ANOS1: variants seen among roughly 807,000 people sequenced by gnomAD.
ANOS1 encodes anosmin-1.
In ANOS1, 6 loss-of-function variants were observed where a neutral mutation model predicts 59.0. The ratio of observed to expected loss-of-function variants is 0.10; its 90% CI spans 0.06 to 0.20. The LOEUF is 0.20. Among genes scored for constraint, ANOS1 ranks in the 10% least tolerant of loss-of-function variants. ANOS1 has a pLI of 1.00. For synonymous variants in ANOS1, 217 were observed against 223.4 expected (o/e 0.97, Z 0.25); for missense variants, 433 against 542.3 (o/e 0.80, Z 2.00).
chrX:8,593,187 A>G (rs1055477728), intron 4 of ANOS1, among the ~76,000 whole-genome samples: 1 of 112,233 alleles, frequency 8.9e-6, no homozygotes, highest in Non-Finnish European at 1.9e-5. Context: ...GCCCACTTAA[A>G]GAGTATTGTG....
At chrX:8,695,714 A>C (rs1416298016) in intron 2 of ANOS1, among the ~76,000 whole-genome samples, 2 of 110,309 alleles carry the variant, frequency 1.8e-5, no homozygotes, top group Non-Finnish European at 3.8e-5. Flanking sequence ...AAAAAAAAAA[A>C]AAAAACCTAG....
chrX:8,699,632 G>A (rs1932733035), intron 2 of ANOS1, 66 bp downstream of exon 2: 2 of 869,078 alleles, frequency 2.3e-6, no homozygotes, highest in South Asian at 4.5e-5. Flanking sequence ...GCAACTTACT[G>A]TGAATCTATA....
At position 8,594,763 on chromosome X, in the gene ANOS1, TA is replaced by T. The variant is rs1433798840; in HGVS notation, c.541+2270del. On this transcript the variant is annotated intron_variant, in intron 4 of 13. Coordinates refer to ENST00000262648, the MANE Select transcript of ANOS1 (RefSeq NM_000216.4). ...GTATATATATATACATATATATATA[TA>T]TATTTTTTTTTTGCAAAATAACAAT... is the stretch of plus-strand genomic sequence containing the variant. Among the ~76,000 whole-genome samples, 46 of 74,716 alleles carry T rather than the reference TA, an allele frequency of 6.2e-4. 2 individuals are homozygous for T. The highest frequency in any genetic ancestry group is 2.2e-3 in the African/African-American group (44 of 19,757). The allele number at this position is 74,716 out of a possible 115,157, so 64.9% of individuals were successfully genotyped here.
intron 2 of ANOS1, among the ~76,000 whole-genome samples, chrX:8,632,213 C>T (rs1294308987): frequency 8.9e-6 from 1 of 112,225 alleles, no homozygotes; most frequent in Non-Finnish European, 1.9e-5. Context: ...AATCCCTCAT[C>T]TACCTCAAGC....
intron 1 of ANOS1, among the ~76,000 whole-genome samples, chrX:8,705,240 T>C (rs1932774284): frequency 1.8e-5 from 2 of 111,962 alleles, no homozygotes; most frequent in Non-Finnish European, 1.9e-5. Flanking sequence ...TGATCATTTG[T>C]CTATTGCAAA....
chrX:8,530,228 G>A lies in ANOS1; in HGVS notation c.*2767C>T, dbSNP rs1187478511. 1 of 111,827 alleles carries A rather than the reference G, an allele frequency of 8.9e-6. No individual in the cohort carries two copies. The highest frequency in any genetic ancestry group is 1.9e-5 in the Non-Finnish European group (1 of 53,158). 9.2% of individuals were successfully genotyped at this position (111,827 alleles called of 1,213,427 possible). A position where few individuals can be genotyped will look rare whatever the true frequency, so the allele number is the denominator to read the frequency against. Reference sequence around the variant, plus strand: ...AATAATGCATGTAACTGCAATGTATGTCAGATTAACCACCTGTATTTGATG... The same window carrying A: ...AATAATGCATGTAACTGCAATGTATATCAGATTAACCACCTGTATTTGATG... On this transcript the variant is annotated 3_prime_UTR_variant, in exon 14 of 14. Transcript: ENST00000262648.
intron 2 of ANOS1, among the ~76,000 whole-genome samples, chrX:8,661,129 T>C (rs1313159352): frequency 1.8e-5 from 2 of 111,668 alleles, no homozygotes; most frequent in African/African-American, 6.5e-5. Context: ...AGATGCTGTC[T>C]TCTCCCTGTG....
Position 8,568,255 on chromosome X carries a change from G to T in ANOS1, c.1184C>A (p.Thr395Lys), listed in dbSNP as rs1569050751. The T allele has an allele frequency of 8.3e-7, 1 of 1,208,842 alleles. No individual in the cohort carries two copies. Among genetic ancestry groups the T allele is most frequent in the Non-Finnish European group, 1.1e-6 (1 of 894,531 alleles). Residue 395 changes from threonine (T) to lysine (K), a missense_variant, in exon 8 of 14, where the codon ACA becomes AAA. Coordinates refer to ENST00000262648, the MANE Select transcript of ANOS1 (RefSeq NM_000216.4). ...LKSAKVSLHF[T>K]STHATNNKEQ... ...ACTGTTGTTGGTTGCATGTGTCGATGTGAAGTGAAGGGACACCTTTGCACT... is the reference window on the plus strand; with the variant it reads ...ACTGTTGTTGGTTGCATGTGTCGATTTGAAGTGAAGGGACACCTTTGCACT...
chrX:8,628,855 T>C (rs200777188), intron 2 of ANOS1, among the ~76,000 whole-genome samples: 2 of 112,383 alleles, frequency 1.8e-5, no homozygotes, highest in East Asian at 5.6e-4. Flanking sequence ...ATACTAAGTA[T>C]GTTTCTACTT....
chrX:8,695,299 G>A (rs1342770170), intron 2 of ANOS1, among the ~76,000 whole-genome samples: 3 of 111,942 alleles, frequency 2.7e-5, no homozygotes, highest in East Asian at 2.8e-4. Context: ...CACACAGAGC[G>A]AGATTCCGTC....
At chrX:8,621,893 G>A (rs1364350469) in intron 3 of ANOS1, among the ~76,000 whole-genome samples, 3 of 111,229 alleles carry the variant, frequency 2.7e-5, no homozygotes, top group Non-Finnish European at 5.6e-5. Flanking sequence ...GCACATTATA[G>A]GTATTCAAAA....
At chrX:8,707,504 T>C (rs188791458) in intron 1 of ANOS1, among the ~76,000 whole-genome samples, 1 of 111,799 alleles carries the variant, frequency 8.9e-6, no homozygotes, top group Admixed American at 9.5e-5. Context: ...CGTTATTTAA[T>C]AAATAAAAAT....
chrX:8,619,276 G>T (rs1018586015), intron 3 of ANOS1, among the ~76,000 whole-genome samples: 13 of 110,039 alleles, frequency 1.2e-4, no homozygotes, highest in Non-Finnish European at 2.5e-4. Flanking sequence ...TTTTTTTCCT[G>T]TTTTGATACA....
chrX:8,624,011 C>CTTTTTTT (rs566769185), intron 2 of ANOS1, among the ~76,000 whole-genome samples: 9 of 69,404 alleles, frequency 1.3e-4, no homozygotes, highest in Admixed American at 1.7e-4. Flanking sequence ...CTTTTCTTTT[C>CTTTTTTT]TTTTTTTTTT....
chrX:8,542,325 T>C (rs777516266), intron 9 of ANOS1, among the ~76,000 whole-genome samples: 12 of 111,682 alleles, frequency 1.1e-4, no homozygotes, highest in Non-Finnish European at 7.5e-5. Context: ...CACACTTTTC[T>C]TTCTGGCTGT....
rs192525830 is a variant in ANOS1, at chrX:8,699,772, G to A, written c.208-27C>T. 8.7e-4 allele frequency: 965 copies of A among 1,115,526 alleles called. 3 individuals carry two copies. The African/African-American group carries it at 0.015, about 18-fold the overall frequency. 91.9% of individuals were successfully genotyped at this position (1,115,526 alleles called of 1,213,427 possible). On this transcript the variant is annotated intron_variant, in intron 1 of 13. Transcript: ENST00000262648. ...TGCAAAAAGAAAAAGGAAAAATATT[G>A]ATCCATTAGAAAGCTACACATACAC...
intron 2 of ANOS1, among the ~76,000 whole-genome samples, chrX:8,666,181 G>A (rs1932131657): frequency 9.0e-6 from 1 of 111,125 alleles, no homozygotes; most frequent in African/African-American, 3.3e-5. Context: ...AGGTGACAGA[G>A]CAACAACCTG....
rs1382600374 is a variant in ANOS1 at position 8,573,081 on chromosome X, A to G, written c.857-2377T>C. ...ATTTTTTTTTTTTTTTTTTTTTGAG[A>G]CAGAGTCTCACCCTGTCACCCAGGC... On this transcript the variant is annotated intron_variant, in intron 6 of 13. Coordinates refer to ENST00000262648, the MANE Select transcript of ANOS1 (RefSeq NM_000216.4). Among the ~76,000 whole-genome samples the G allele has an allele frequency of 1.4e-4, 13 of 90,392 alleles. No homozygotes were observed. In the East Asian group the frequency reaches 4.1e-3, roughly 28 times the overall value. 78.5% of individuals were successfully genotyped at this position (90,392 alleles called of 115,157 possible).
chrX:8,724,394 A>G (rs1423675009), intron 1 of ANOS1, among the ~76,000 whole-genome samples: 1 of 112,315 alleles, frequency 8.9e-6, no homozygotes, highest in Non-Finnish European at 1.9e-5. Context: ...AAGCAGGAGA[A>G]GGCAGAGATA....
Sources: gnomAD v4.1 joint callset for allele counts (sites outside exome capture counted in the v4.1 genomes callset) on GRCh38, gnomAD v4.1.1 for gene constraint, MANE v1.5 for transcripts, NCBI Gene and HGNC (gene_info 2026-07-23, HGNC 2026-07-21) for gene names.